Variants in CCNY observed in about 807,000 individuals in gnomAD.
CCNY encodes cyclin Y, also known as cyclin-Y.
Under a neutral mutation model 42.8 loss-of-function variants are expected in CCNY, and 19 were observed. The observed-to-expected ratio is 0.44, with a 90% CI of 0.31 to 0.65. CCNY has a LOEUF of 0.65. Among genes scored for constraint, CCNY ranks in the 30% least tolerant of loss-of-function variants. The probability of loss-of-function intolerance (pLI) is 0.07; values close to 1 mark genes in which losing one functional copy is unlikely to be tolerated. For missense variants in CCNY, 370 were observed against 437.3 expected, an observed-to-expected ratio of 0.85 and a Z score of 1.37; for synonymous variants, 165 against 162.7, an observed-to-expected ratio of 1.01 and a Z score of -0.11.
At chr10:35,421,142 A>G (rs2135263343) in intron 1 of CCNY, among the ~76,000 whole-genome samples, 1 of 152,368 alleles carries the variant, frequency 6.6e-6, no homozygotes, top group East Asian at 1.9e-4. Flanking sequence ...GAGGACGGCC[A>G]CACGGGTTGG....
intron 2 of CCNY, among the ~76,000 whole-genome samples, chr10:35,250,133 G>T (rs2095710857): frequency 6.7e-6 from 1 of 149,672 alleles, no homozygotes; most frequent in South Asian, 2.1e-4. Flanking sequence ...GGCAGAGCTT[G>T]CAGTGAGCTA....
At chr10:35,359,896 G>A (rs576716995) in intron 1 of CCNY, among the ~76,000 whole-genome samples, 3 of 152,186 alleles carry the variant, frequency 2.0e-5, no homozygotes, top group Admixed American at 6.5e-5. Context: ...TTCACTTAAC[G>A]TAATGTCCTC....
intron 1 of CCNY, among the ~76,000 whole-genome samples, chr10:35,426,329 G>T (rs1838273903): frequency 6.6e-6 from 1 of 152,132 alleles, no homozygotes; most frequent in South Asian, 2.1e-4. Flanking sequence ...GTGTTGTCCA[G>T]TTTTCCAGCT....
At chr10:35,549,670 C>G (rs7893728) in intron 7 of CCNY, among the ~76,000 whole-genome samples, 36 of 125,570 alleles carry the variant, frequency 2.9e-4, no homozygotes, top group South Asian at 5.5e-4. Flanking sequence ...TGACCCTACA[C>G]TGTTCGTGAC....
At chr10:35,262,413 C>T (rs1223466371) in intron 3 of CCNY, among the ~76,000 whole-genome samples, 1 of 149,414 alleles carries the variant, frequency 6.7e-6, no homozygotes, top group African/African-American at 2.5e-5. Context: ...GGCTAGAGTG[C>T]AGTGGTACAA....
At chr10:35,474,855 C>CG (rs1318452157) in intron 1 of CCNY, among the ~76,000 whole-genome samples, 16 of 152,054 alleles carry the variant, frequency 1.1e-4, no homozygotes, top group Non-Finnish European at 2.2e-4. Context: ...CTCTGAGCTA[C>CG]GGGAGGACAT....
chr10:35,395,756 G>A (rs150341972), intron 1 of CCNY, among the ~76,000 whole-genome samples: 438 of 152,342 alleles, frequency 2.9e-3, no homozygotes, highest in African/African-American at 9.4e-3. Context: ...GCGCCTGGTT[G>A]TGTGTTACTT....
Position 35,571,138 on chromosome 10 carries a change from A to C in CCNY, c.*1968A>C, listed in dbSNP as rs189980988. 1.3e-5 allele frequency: 2 copies of C among 152,314 alleles called. No individual in the cohort carries two copies. Among genetic ancestry groups the C allele is most frequent in the East Asian group, 3.9e-4 (2 of 5,194 alleles). The allele number at this position is 152,314 out of a possible 1,614,324, so 9.4% of individuals were successfully genotyped here. A position where few individuals can be genotyped will look rare whatever the true frequency, so the allele number is the denominator to read the frequency against. ...GAATATGAATACCTCTTAAACATAA[A>C]TTAGTTCCTCTCCAGTGAAGTATCT... On this transcript the variant is annotated 3_prime_UTR_variant, in exon 10 of 10. Coordinates refer to ENST00000374704, the MANE Select transcript of CCNY (RefSeq NM_145012.6).
At chr10:35,514,822 A>G (rs919190650) in intron 3 of CCNY, among the ~76,000 whole-genome samples, 2 of 152,214 alleles carry the variant, frequency 1.3e-5, no homozygotes, top group African/African-American at 4.8e-5. Flanking sequence ...TTAATTAATT[A>G]CTGACTTTTA....
At chr10:35,330,949 G>A (rs1488793422) in intron 3 of CCNY, among the ~76,000 whole-genome samples, 1 of 152,110 alleles carries the variant, frequency 6.6e-6, no homozygotes, top group Non-Finnish European at 1.5e-5. Context: ...TAGTAGAGAC[G>A]GGGTTTTGCC....
chr10:35,332,749 C>G (rs1004690991), upstream of CCNY, among the ~76,000 whole-genome samples: 1 of 152,096 alleles, frequency 6.6e-6, no homozygotes, highest in Non-Finnish European at 1.5e-5. Context: ...GAGCTATAGG[C>G]GCCCACCACC....
chr10:35,457,238 T>A (rs942539525), intron 1 of CCNY, among the ~76,000 whole-genome samples: 13 of 152,230 alleles, frequency 8.5e-5, no homozygotes, highest in African/African-American at 3.1e-4. Context: ...GATTTCAGTG[T>A]TGATTCTTTT....
At chr10:35,402,483 T>A (rs538920270) in intron 1 of CCNY, among the ~76,000 whole-genome samples, 1 of 152,280 alleles carries the variant, frequency 6.6e-6, no homozygotes, top group South Asian at 2.1e-4. Flanking sequence ...CCAGATTGAT[T>A]TAGGTAAAAA....
intron 1 of CCNY, among the ~76,000 whole-genome samples, chr10:35,398,590 A>G (rs765775439): frequency 1.5e-4 from 23 of 151,568 alleles, no homozygotes; most frequent in Non-Finnish European, 2.9e-4. Flanking sequence ...ATCGTTTACC[A>G]TATGGTTCTC....
rs149692778 is a variant in CCNY at position 35,294,351 on chromosome 10, A to G, written c.-9+43725A>G. On this transcript the variant is annotated intron_variant, in intron 3 of 11. Transcript: ENST00000374706. ...TCTTATTCCTGATCTGAGAGTGAAA[A>G]TATTCAGTCTTTTACCATTAAGTGT... Among the ~76,000 whole-genome samples the G allele has an allele frequency of 4.1e-4, 63 of 152,316 alleles. 1 individual carries two copies. The East Asian group carries it at 0.011, about 27-fold the overall frequency.
intron 1 of CCNY, among the ~76,000 whole-genome samples, chr10:35,369,544 T>A (rs1229454321): frequency 6.6e-6 from 1 of 152,226 alleles, no homozygotes; most frequent in Non-Finnish European, 1.5e-5. Flanking sequence ...AGAGAATACA[T>A]TCTTGGCTTA....
At chr10:35,462,354 C>A (rs1160094380) in intron 1 of CCNY, among the ~76,000 whole-genome samples, 3 of 152,182 alleles carry the variant, frequency 2.0e-5, no homozygotes, top group African/African-American at 7.2e-5. Flanking sequence ...CGCTCCCTTT[C>A]TCCTGTATTT....
At chr10:35,349,975 G>A (rs1199828060) in intron 1 of CCNY, among the ~76,000 whole-genome samples, 2 of 152,096 alleles carry the variant, frequency 1.3e-5, no homozygotes, top group African/African-American at 4.8e-5. Flanking sequence ...ACGGCCTCAG[G>A]GGTTGCAGGG....
chr10:35,460,955 C>T (rs1839145271), intron 1 of CCNY, among the ~76,000 whole-genome samples: 4 of 152,094 alleles, frequency 2.6e-5, no homozygotes, highest in Admixed American at 1.3e-4. Flanking sequence ...GCTAGGACAT[C>T]CACTTATTAT....
Sources: gnomAD v4.1 joint callset for allele counts (sites outside exome capture counted in the v4.1 genomes callset) on GRCh38, gnomAD v4.1.1 for gene constraint, MANE v1.5 for transcripts, NCBI Gene and HGNC (gene_info 2026-07-23, HGNC 2026-07-21) for gene names.